MYEF2: variants seen among roughly 807,000 people sequenced by gnomAD.
The protein encoded by MYEF2 is myelin expression factor 2, also known as myelin gene expression factor 2.
In MYEF2, 37 loss-of-function variants were observed where a neutral mutation model predicts 75.2. That is an observed-to-expected ratio of 0.49 (90% CI 0.38 to 0.65). The LOEUF (loss-of-function observed/expected upper bound fraction) is 0.65. MYEF2 is among the 30% of genes least tolerant of loss of function. The probability of loss-of-function intolerance (pLI) is 0.00; values close to 1 mark genes in which losing one functional copy is unlikely to be tolerated. For missense variants in MYEF2, 634 were observed against 771.4 expected, an observed-to-expected ratio of 0.82 and a Z score of 2.11; for synonymous variants, 195 against 241.6, an observed-to-expected ratio of 0.81 and a Z score of 1.79.
chr15:48,139,243 T>G lies in MYEF2; in HGVS notation c.*3665A>C. The G allele has an allele frequency of 3.0e-6, 4 of 1,320,406 alleles. No individual in the cohort carries two copies. The Admixed American group carries it at 7.2e-5, about 24-fold the overall frequency. The allele number at this position is 1,320,406 out of a possible 1,614,324, so 81.8% of individuals were successfully genotyped here. On this transcript the variant is annotated 3_prime_UTR_variant, in exon 17 of 17. Coordinates refer to ENST00000324324, the MANE Select transcript of MYEF2 (RefSeq NM_016132.5). ...ATAAGAACAAATTGCATATGTTCAC[T>G]CAAAGTAGTCTAGCTACACAGCAAA...
intron 5 of MYEF2, among the ~76,000 whole-genome samples, chr15:48,161,684 T>C (rs1193073710): frequency 6.6e-6 from 1 of 151,376 alleles, no homozygotes; most frequent in Non-Finnish European, 1.5e-5. Flanking sequence ...CAATATTATA[T>C]GGAAGTTTAT....
chr15:48,166,510 G>A (rs1290462120), intron 3 of MYEF2, among the ~76,000 whole-genome samples: 1 of 151,812 alleles, frequency 6.6e-6, no homozygotes, highest in Non-Finnish European at 1.5e-5. Flanking sequence ...TATTGTCTAC[G>A]ACATATTTTT....
intron 16 of MYEF2, among the ~76,000 whole-genome samples, chr15:48,146,574 C>T (rs988207853): frequency 2.0e-5 from 3 of 151,914 alleles, no homozygotes; most frequent in African/African-American, 7.2e-5. Flanking sequence ...CAGTTAATCA[C>T]TAGAGATAAT....
In MYEF2 at chr15:48,178,139, C is replaced by G; in HGVS notation, c.99G>C (p.Pro33=). Residue 33 remains proline (P), a synonymous_variant, in exon 1 of 17, where the codon CCG becomes CCC. Coordinates refer to ENST00000324324, the MANE Select transcript of MYEF2 (RefSeq NM_016132.5). Reference sequence around the variant, plus strand: ...GCTGCTTCTCCGCCTCCGCGGGGTGCGGCTCTCGCCGCGGCTCGCCCGGCG... The same window carrying G: ...GCTGCTTCTCCGCCTCCGCGGGGTGGGGCTCTCGCCGCGGCTCGCCCGGCG... ...AEPPGEPRRE[P]HPAEAEKQQP... is the part of the protein sequence containing the mutation. The G allele has an allele frequency of 1.3e-6, 2 of 1,578,206 alleles. No individual in the cohort carries two copies. Among genetic ancestry groups the G allele is most frequent in the South Asian group, 2.3e-5 (2 of 87,054 alleles).
intron 9 of MYEF2, chr15:48,157,242 A>G (rs2039733677): frequency 6.6e-6 from 1 of 152,148 alleles, no homozygotes; most frequent in Admixed American, 6.6e-5. Context: ...CGTAGACAAT[A>G]TTATTCTCCC....
chr15:48,135,022 T>G lies in MYEF2; in HGVS notation c.*7886A>C. The G allele has an allele frequency of 6.7e-7, 1 of 1,502,928 alleles. No individual in the cohort carries two copies. The highest frequency in any genetic ancestry group is 9.2e-7 in the Non-Finnish European group (1 of 1,086,946). 93.1% of individuals were successfully genotyped at this position (1,502,928 alleles called of 1,614,324 possible). The stretch of plus-strand genomic sequence containing the variant: ...ATAATTCTTATGTAAAAATTAGAGA[T>G]TTTATGAATTTCTGATGGTTCAGTA... On this transcript the variant is annotated 3_prime_UTR_variant, in exon 17 of 17. Coordinates refer to ENST00000324324, the MANE Select transcript of MYEF2 (RefSeq NM_016132.5).
chr15:48,139,262 C>G lies in MYEF2; in HGVS notation c.*3646G>C. 1.8e-6 allele frequency: 2 copies of G among 1,099,634 alleles called. No individual in the cohort carries two copies. Among genetic ancestry groups the G allele is most frequent in the Non-Finnish European group, 2.7e-6 (2 of 754,270 alleles). The allele number at this position is 1,099,634 out of a possible 1,614,324, so 68.1% of individuals were successfully genotyped here. On this transcript the variant is annotated 3_prime_UTR_variant, in exon 17 of 17. Transcript: ENST00000324324. ...GTTCACTCAAAGTAGTCTAGCTACA[C>G]AGCAAATTTCTTTTCAGCAAGATTG...
chr15:48,146,284 C>T (rs1208627880), intron 16 of MYEF2, among the ~76,000 whole-genome samples: 1 of 151,836 alleles, frequency 6.6e-6, no homozygotes, highest in Non-Finnish European at 1.5e-5. Context: ...TTTGAAAATG[C>T]ATCTCTCTGA....
rs2039476100 is a variant in MYEF2 at position 48,151,111 on chromosome 15, C to G, written c.1367G>C (p.Gly456Ala). The change falls in exon 14 of 17, where the codon GGA becomes GCA. Residue 456 changes from glycine (G) to alanine (A), a missense_variant. Physicochemically the swap from Gly to Ala is moderately conservative, Grantham distance 60 (BLOSUM62 0). Coordinates refer to ENST00000324324, the MANE Select transcript of MYEF2 (RefSeq NM_016132.5). ...RIGSSNMGPV[G>A]SGISGGMGSM... Reference sequence around the variant, plus strand: ...AAATTTAAACCTACTTATTCCAGATCCTACTGGACCCATGTTAGAAGATCC... The same window carrying G: ...AAATTTAAACCTACTTATTCCAGATGCTACTGGACCCATGTTAGAAGATCC... The G allele has an allele frequency of 5.6e-6, 9 of 1,605,804 alleles. No individual in the cohort carries two copies. Among genetic ancestry groups the G allele is most frequent in the Non-Finnish European group, 7.7e-6 (9 of 1,175,824 alleles).
intron 6 of MYEF2, among the ~76,000 whole-genome samples, chr15:48,159,384 T>C (rs1429841676): frequency 6.6e-6 from 1 of 152,050 alleles, no homozygotes; most frequent in Non-Finnish European, 1.5e-5. Flanking sequence ...AACTGCACAG[T>C]TCCATGTTTA....
chr15:48,140,933 G>T lies in MYEF2; in HGVS notation c.*1975C>A, dbSNP rs533615990. 3 of 503,400 alleles carry T rather than the reference G, an allele frequency of 6.0e-6. No homozygotes were observed. Among genetic ancestry groups the T allele is most frequent in the African/African-American group, 1.9e-5 (1 of 51,292 alleles). 31.2% of individuals were successfully genotyped at this position (503,400 alleles called of 1,614,324 possible). ...AAAATCTGTGCTACCTGGGTTACCC[G>T]AATTACCAGCCTGATTCAAATATGT... is the stretch of plus-strand genomic sequence containing the variant. On this transcript the variant is annotated 3_prime_UTR_variant, in exon 17 of 17. Transcript: ENST00000324324.
At position 48,140,940 on chromosome 15, in the gene MYEF2, C is replaced by A; in HGVS notation, c.*1968G>T. The A allele has an allele frequency of 2.0e-6, 1 of 503,888 alleles. No individual in the cohort carries two copies. The highest frequency in any genetic ancestry group is 3.6e-6 in the Non-Finnish European group (1 of 281,458). The allele number at this position is 503,888 out of a possible 1,614,324, so 31.2% of individuals were successfully genotyped here. On this transcript the variant is annotated 3_prime_UTR_variant, in exon 17 of 17. Coordinates refer to ENST00000324324, the MANE Select transcript of MYEF2 (RefSeq NM_016132.5). ...GTGCTACCTGGGTTACCCGAATTAC[C>A]AGCCTGATTCAAATATGTTGCTAGC...
rs776974107 is a variant in MYEF2, at chr15:48,151,479, T to C, written c.1300A>G (p.Arg434Gly). 2.9e-5 allele frequency: 47 copies of C among 1,612,258 alleles called. No individual in the cohort carries two copies. The highest frequency in any genetic ancestry group is 2.0e-4 in the Admixed American group (12 of 59,916). Residue 434 changes from arginine to glycine, a missense_variant, in exon 13 of 17, where the codon AGA becomes GGA. Physicochemically the swap from Arg to Gly is moderately radical, Grantham distance 125. Coordinates refer to ENST00000324324, the MANE Select transcript of MYEF2 (RefSeq NM_016132.5). ...INRGFGDSFG[R>G]LGSAMIGGFA... ...AGTATGCAGCCAGCCCTACCAAGTC[T>C]ACCAAAGGAATCTCCAAAGCCTCGA...
Position 48,168,629 on chromosome 15 carries a change from AC to A in MYEF2, c.370+1del. ...ACAGTGGGTTATTTCAGAGATAGTT[AC>A]CTTTCTCTCTCATTAGATCTTTAAT... On this transcript the variant is annotated splice_donor_variant, in intron 2 of 16. Coordinates refer to ENST00000324324, the MANE Select transcript of MYEF2 (RefSeq NM_016132.5). LOFTEE classifies it high-confidence loss of function. The A allele has an allele frequency of 6.2e-7, 1 of 1,607,748 alleles. No individual in the cohort carries two copies. The highest frequency in any genetic ancestry group is 8.5e-7 in the Non-Finnish European group (1 of 1,175,016).
Position 48,166,043 on chromosome 15 carries a change from T to A in MYEF2, c.432-17A>T, listed in dbSNP as rs1313376521. 3 of 1,573,212 alleles carry A rather than the reference T, an allele frequency of 1.9e-6. No individual in the cohort carries two copies. The highest frequency in any genetic ancestry group is 1.4e-5 in the African/African-American group (1 of 72,684). Reference sequence around the variant, plus strand: ...TCAACCACACTTAATAGGGAAAAAATTTATAGGAAATGTTTATGTGCTAAT... The same window carrying A: ...TCAACCACACTTAATAGGGAAAAAAATTATAGGAAATGTTTATGTGCTAAT... On this transcript the variant is annotated splice_polypyrimidine_tract_variant and intron_variant, in intron 4 of 16. Coordinates refer to ENST00000324324, the MANE Select transcript of MYEF2 (RefSeq NM_016132.5).
chr15:48,166,373 T>C (rs893541321), intron 3 of MYEF2, among the ~76,000 whole-genome samples: 13 of 152,054 alleles, frequency 8.5e-5, no homozygotes, highest in African/African-American at 3.1e-4. Flanking sequence ...ATTTTTCACT[T>C]TTAGGTGACT....
At chr15:48,153,514 G>A (rs780425558) in intron 10 of MYEF2, 3 of 294,652 alleles carry the variant, frequency 1.0e-5, no homozygotes, top group African/African-American at 2.2e-5. Flanking sequence ...GTTCATAGAT[G>A]ATATATTCTC....
Position 48,149,397 on chromosome 15 carries a change from G to C in MYEF2, c.1379-26C>G. On this transcript the variant is annotated intron_variant, in intron 14 of 16. Coordinates refer to ENST00000324324, the MANE Select transcript of MYEF2 (RefSeq NM_016132.5). The surrounding 1 kb of genome is among the most constrained non-coding windows in gnomAD (Gnocchi z 4.0). ...CTGGATTTTCAAGAAAGGACGGGGG[G>C]ATTTGGGAATTTTGTGTTTTTGTTT... 6.2e-7 allele frequency: 1 copy of C among 1,604,044 alleles called. No homozygotes were observed. The highest frequency in any genetic ancestry group is 1.1e-5 in the South Asian group (1 of 89,918).
chr15:48,136,678 T>C lies in MYEF2; in HGVS notation c.*6230A>G. ...AATTTAAAAACACAAATTTCTCTTT[T>C]GTAGGTATGAAGGGGCTTTACTGCT... On this transcript the variant is annotated 3_prime_UTR_variant, in exon 17 of 17. Transcript: ENST00000324324. The C allele has an allele frequency of 6.3e-7, 1 of 1,582,842 alleles. No individual in the cohort carries two copies. The highest frequency in any genetic ancestry group is 8.6e-7 in the Non-Finnish European group (1 of 1,164,580).
Sources: allele counts gnomAD v4.1 joint callset (sites outside exome capture counted in the v4.1 genomes callset), GRCh38; gene constraint gnomAD v4.1.1; non-coding constraint Gnocchi (gnomAD v3.1); transcripts MANE v1.5; gene names NCBI Gene and HGNC (gene_info 2026-07-23, HGNC 2026-07-21).